The following BEAN1 variants were observed in gnomAD, a reference collection of about 807,000 sequenced individuals.
BEAN1 encodes protein BEAN1.
A neutral mutation model predicts 17.7 loss-of-function variants in BEAN1; 17 were observed. The ratio of observed to expected loss-of-function variants is 0.96; its 90% CI spans 0.66 to 1.44. The LOEUF is 1.44. BEAN1 is among the 40% of genes most tolerant of loss of function. The pLI is 0.00. For missense variants in BEAN1, 359 were observed against 374.1 expected, an observed-to-expected ratio of 0.96 and a Z score of 0.33; for synonymous variants, 142 against 151.8, an observed-to-expected ratio of 0.94 and a Z score of 0.47.
At chr16:66,475,335 C>T (rs1263102633) in intron 3 of BEAN1, among the ~76,000 whole-genome samples, 1 of 152,224 alleles carries the variant, frequency 6.6e-6, no homozygotes, top group Admixed American at 6.5e-5. Flanking sequence ...TCTGGGAAGT[C>T]CAAGAAAAAG....
At chr16:66,461,678 G>T (rs756067832) in intron 2 of BEAN1, among the ~76,000 whole-genome samples, 5 of 152,082 alleles carry the variant, frequency 3.3e-5, no homozygotes, top group Non-Finnish European at 7.4e-5. Flanking sequence ...ATGGCCAGGG[G>T]TCATGGGGGA....
chr16:66,452,811 C>T (rs1044168368), intron 2 of BEAN1, among the ~76,000 whole-genome samples: 17 of 152,108 alleles, frequency 1.1e-4, no homozygotes, highest in Admixed American at 2.6e-4. Context: ...CCCAACTGTA[C>T]GGCCCCAGAG....
chr16:66,492,789 T>C (rs1413817452), intron 4 of BEAN1, among the ~76,000 whole-genome samples: 9 of 152,136 alleles, frequency 5.9e-5, no homozygotes, highest in South Asian at 2.1e-4. Context: ...TGAGCCTCAG[T>C]GTACCCCTGA....
chr16:66,482,851 CT>C (rs1342160693), downstream of BEAN1: 13 of 455,662 alleles, frequency 2.9e-5, no homozygotes, highest in East Asian at 6.9e-5. Flanking sequence ...CATAAGGTTC[CT>C]TTTTTTCTTT....
intron 1 of BEAN1, among the ~76,000 whole-genome samples, chr16:66,437,379 G>A (rs774253884): frequency 6.6e-6 from 1 of 151,890 alleles, no homozygotes; most frequent in Non-Finnish European, 1.5e-5. Flanking sequence ...CCCACCACTG[G>A]GACCCCAACA....
At chr16:66,468,216 A>G (rs1265772282) in intron 2 of BEAN1, among the ~76,000 whole-genome samples, 1 of 152,200 alleles carries the variant, frequency 6.6e-6, no homozygotes, top group Non-Finnish European at 1.5e-5. Context: ...CTCACTCAAT[A>G]CATGCATTAG....
intron 2 of BEAN1, among the ~76,000 whole-genome samples, chr16:66,440,592 G>GGGT (rs1962218976): frequency 6.6e-6 from 1 of 152,190 alleles, no homozygotes; most frequent in Non-Finnish European, 1.5e-5. Context: ...CACCTGCCCT[G>GGGT]GGATGCTGGG....
chr16:66,485,025 G>C (rs1444671793), downstream of BEAN1: 2 of 453,994 alleles, frequency 4.4e-6, no homozygotes, highest in Non-Finnish European at 8.8e-6. Context: ...GGTGTGGTGA[G>C]GTCCCAGGTC....
chr16:66,442,881 G>A (rs1021328395), intron 2 of BEAN1, among the ~76,000 whole-genome samples: 3 of 152,152 alleles, frequency 2.0e-5, no homozygotes, highest in African/African-American at 7.2e-5. Flanking sequence ...GAGAGATAGG[G>A]ACTCTTGGAG....
chr16:66,479,152 G>C (rs1963884720), intron 4 of BEAN1: 1 of 152,036 alleles, frequency 6.6e-6, no homozygotes, highest in Non-Finnish European at 1.5e-5. Flanking sequence ...AGATACTGTG[G>C]GTATCTGGGG....
chr16:66,472,580 T>C (rs1230795242), intron 3 of BEAN1, among the ~76,000 whole-genome samples: 1 of 152,132 alleles, frequency 6.6e-6, no homozygotes, highest in African/African-American at 2.4e-5. Flanking sequence ...GGCACATGCC[T>C]CTCATCCCAG....
chr16:66,439,115 T>C (rs1489001313), intron 2 of BEAN1, among the ~76,000 whole-genome samples: 1 of 152,158 alleles, frequency 6.6e-6, no homozygotes, highest in Non-Finnish European at 1.5e-5. Context: ...CACTGGCATG[T>C]CCCACCTGGG....
chr16:66,432,057 G>GAAAA (rs956396604), intron 1 of BEAN1, among the ~76,000 whole-genome samples: 12 of 152,002 alleles, frequency 7.9e-5, no homozygotes, highest in Admixed American at 3.3e-4. Context: ...AACTTTTTCT[G>GAAAA]AAAAAACAAA....
chr16:66,445,595 G>C (rs191047106), intron 2 of BEAN1, among the ~76,000 whole-genome samples: 35 of 151,500 alleles, frequency 2.3e-4, no homozygotes, highest in African/African-American at 8.5e-4. Flanking sequence ...GGAAGAGAGG[G>C]AGCCATACAG....
At position 66,481,264 on chromosome 16, in the gene BEAN1, A is replaced by T. The variant is rs1392698290; in HGVS notation, c.*339A>T. On this transcript the variant is annotated 3_prime_UTR_variant, in exon 5 of 5. Coordinates refer to ENST00000536005, the MANE Select transcript of BEAN1 (RefSeq NM_001178020.3). This position sits in a 1 kb window ranked among gnomAD's most constrained non-coding sequence, Gnocchi z 4.1. Reference sequence around the variant, plus strand: ...AGAGAGCGCTTCGGAGAGAGAGGCGAAGTAGGAAGTGGGATTTTCTCTTCC... The same window carrying T: ...AGAGAGCGCTTCGGAGAGAGAGGCGTAGTAGGAAGTGGGATTTTCTCTTCC... 7.5e-6 allele frequency: 3 copies of T among 399,542 alleles called. No individual in the cohort carries two copies. Among genetic ancestry groups the T allele is most frequent in the Non-Finnish European group, 1.3e-5 (3 of 226,702 alleles). The allele number at this position is 399,542 out of a possible 1,614,324, so 24.7% of individuals were successfully genotyped here. A position where few individuals can be genotyped will look rare whatever the true frequency, so the allele number is the denominator to read the frequency against.
chr16:66,467,655 C>G (rs1250217828), intron 2 of BEAN1, among the ~76,000 whole-genome samples: 1 of 152,294 alleles, frequency 6.6e-6, no homozygotes, highest in South Asian at 2.1e-4. Flanking sequence ...GTCTCCACAC[C>G]CCACATTCTC....
intron 2 of BEAN1, among the ~76,000 whole-genome samples, chr16:66,463,651 T>C (rs1762857747): frequency 6.6e-6 from 1 of 152,264 alleles, no homozygotes; most frequent in Non-Finnish European, 1.5e-5. Context: ...GATGTTTATC[T>C]ATTTTTCTTT....
At chr16:66,492,482 C>T (rs1291291865) in intron 4 of BEAN1, among the ~76,000 whole-genome samples, 1 of 152,036 alleles carries the variant, frequency 6.6e-6, no homozygotes, top group Non-Finnish European at 1.5e-5. Flanking sequence ...CTGTGTGGCC[C>T]AGGCTGGAGA....
chr16:66,460,229 C>T (rs1359994777), intron 2 of BEAN1, among the ~76,000 whole-genome samples: 1 of 152,198 alleles, frequency 6.6e-6, no homozygotes, highest in East Asian at 1.9e-4. Flanking sequence ...CCAGGCTCAC[C>T]ACTTTAACCA....
Sources: allele counts gnomAD v4.1 joint callset (sites outside exome capture counted in the v4.1 genomes callset), GRCh38; gene constraint gnomAD v4.1.1; non-coding constraint Gnocchi (gnomAD v3.1); transcripts MANE v1.5; gene names NCBI Gene and HGNC (gene_info 2026-07-23, HGNC 2026-07-21).